Variants in TENM2 observed in about 807,000 individuals in gnomAD.
TENM2 encodes teneurin transmembrane protein 2.
In TENM2, 52 loss-of-function variants were observed where a neutral mutation model predicts 245.2. The ratio of observed to expected loss-of-function variants is 0.21; its 90% CI spans 0.17 to 0.27. The LOEUF is 0.27. Among genes scored for constraint, TENM2 ranks in the 10% least tolerant of loss-of-function variants. The probability of loss-of-function intolerance (pLI) is 1.00; values close to 1 mark genes in which losing one functional copy is unlikely to be tolerated. For missense variants in TENM2, 3,046 were observed against 3,666.8 expected (o/e 0.83, Z 4.37); for synonymous variants, 1,363 against 1,438.9 (o/e 0.95, Z 1.19).
intron 5 of TENM2, among the ~76,000 whole-genome samples, chr5:168,006,734 G>A (rs1042191037): frequency 5.9e-5 from 9 of 152,282 alleles, no homozygotes; most frequent in Non-Finnish European, 1.3e-4. Flanking sequence ...GCCTGCGGTC[G>A]TATTAACCAG....
At chr5:167,452,682 A>C (rs1372625981) in intron 2 of TENM2, among the ~76,000 whole-genome samples, 1 of 151,794 alleles carries the variant, frequency 6.6e-6, no homozygotes, top group Non-Finnish European at 1.5e-5. Flanking sequence ...AATCAGATTC[A>C]CTAATAACGA....
chr5:167,330,609 T>A (rs541130296), intron 1 of TENM2, among the ~76,000 whole-genome samples: 1 of 152,156 alleles, frequency 6.6e-6, no homozygotes, highest in Non-Finnish European at 1.5e-5. Context: ...TTCCACCAAG[T>A]GTTTGGCAAG....
intron 1 of TENM2, among the ~76,000 whole-genome samples, chr5:167,316,679 C>T (rs921109391): frequency 1.3e-5 from 2 of 152,164 alleles, no homozygotes; most frequent in Admixed American, 6.6e-5. Context: ...CTTTAGTAAA[C>T]TCTGTAGAGG....
At chr5:167,724,409 T>A (rs960967707) in intron 2 of TENM2, among the ~76,000 whole-genome samples, 1 of 152,182 alleles carries the variant, frequency 6.6e-6, no homozygotes, top group African/African-American at 2.4e-5. Flanking sequence ...TCCTCATGTA[T>A]TCATTTAATA....
chr5:167,337,313 A>G (rs1163701979), intron 1 of TENM2, among the ~76,000 whole-genome samples: 1 of 152,112 alleles, frequency 6.6e-6, no homozygotes, highest in East Asian at 1.9e-4. Context: ...CTCTATCAAC[A>G]TAATTATTCA....
intron 9 of TENM2, among the ~76,000 whole-genome samples, chr5:168,099,976 C>G (rs1400681244): frequency 1.3e-5 from 2 of 152,142 alleles, no homozygotes; most frequent in Non-Finnish European, 2.9e-5. Context: ...GTATTTTATT[C>G]TCTTCGTAGC....
intron 2 of TENM2, among the ~76,000 whole-genome samples, chr5:167,726,359 T>C (rs1181237483): frequency 6.6e-6 from 1 of 152,180 alleles, no homozygotes; most frequent in Non-Finnish European, 1.5e-5. Flanking sequence ...GAAAGAAGTA[T>C]TATTATTACA....
chr5:167,353,500 G>GTTTTTTTTTTTTTTTTTTTTTT (rs59240930), intron 1 of TENM2, among the ~76,000 whole-genome samples: 10 of 79,454 alleles, frequency 1.3e-4, no homozygotes, highest in Admixed American at 2.1e-4. Context: ...TGTTGTTGTT[G>GTTTTTTTTTTTTTTTTTTTTTT]TTTTTTTTTT....
At chr5:168,078,280 A>AT (rs1261532016) in intron 7 of TENM2, among the ~76,000 whole-genome samples, 1 of 151,480 alleles carries the variant, frequency 6.6e-6, no homozygotes, top group Non-Finnish European at 1.5e-5. Context: ...GGGTTGTTTG[A>AT]TTTTTTTCTT....
chr5:167,656,152 A>G (rs987099957), intron 2 of TENM2, among the ~76,000 whole-genome samples: 6 of 152,042 alleles, frequency 3.9e-5, no homozygotes, highest in Non-Finnish European at 8.8e-5. Flanking sequence ...ATCTTTTAAC[A>G]CTCTAACAAG....
the TENM2 span, among the ~76,000 whole-genome samples, chr5:167,248,066 A>G: frequency 6.6e-6 from 1 of 152,170 alleles, no homozygotes; most frequent in African/African-American, 2.4e-5. Flanking sequence ...AGCTCTAAAA[A>G]TACTGTAAAC....
At chr5:167,659,935 T>C (rs2150318045) in intron 2 of TENM2, 1 of 152,244 alleles carries the variant, frequency 6.6e-6, no homozygotes, top group African/African-American at 2.4e-5. Context: ...TTTAAATCAT[T>C]TTTAAAACAT....
chr5:167,620,321 A>G (rs1778076714), intron 2 of TENM2, among the ~76,000 whole-genome samples: 1 of 152,114 alleles, frequency 6.6e-6, no homozygotes. Flanking sequence ...AGCAAGCCTC[A>G]AGCTATCCCT....
intron 4 of TENM2, among the ~76,000 whole-genome samples, chr5:167,972,186 A>G (rs1418870799): frequency 6.6e-6 from 1 of 152,258 alleles, no homozygotes; most frequent in Non-Finnish European, 1.5e-5. Context: ...GAAAATGGAA[A>G]GGAATATTCC....
chr5:167,097,159 G>A, the TENM2 span, among the ~76,000 whole-genome samples: 78,243 of 151,936 alleles, frequency 0.51, 20,436 homozygotes, highest in Middle Eastern at 0.57. Context: ...GTTTGCCGGC[G>A]CTAGTCTTGT....
the TENM2 span, among the ~76,000 whole-genome samples, chr5:167,082,795 T>A: frequency 1.3e-5 from 2 of 152,174 alleles, no homozygotes; most frequent in Non-Finnish European, 2.9e-5. Flanking sequence ...TAATTTATTT[T>A]TACAATTACT....
intron 5 of TENM2, among the ~76,000 whole-genome samples, chr5:167,999,531 A>T (rs754975398): frequency 6.6e-5 from 10 of 152,240 alleles, no homozygotes; most frequent in Admixed American, 2.6e-4. Flanking sequence ...GAAGACAATT[A>T]CATCATTCAT....
intron 2 of TENM2, among the ~76,000 whole-genome samples, chr5:167,767,861 T>A (rs747066486): frequency 2.6e-4 from 39 of 152,338 alleles, no homozygotes; most frequent in East Asian, 7.7e-4. Flanking sequence ...GCAGATGTGT[T>A]TAAGCTTGAT....
intron 12 of TENM2, among the ~76,000 whole-genome samples, chr5:168,151,556 C>T (rs963128289): frequency 5.2e-4 from 79 of 152,310 alleles, no homozygotes; most frequent in African/African-American, 1.9e-3. Flanking sequence ...GGTTCTATTG[C>T]TCTGGTTTTG....
Sources: allele counts gnomAD v4.1 joint callset (sites outside exome capture counted in the v4.1 genomes callset), GRCh38; gene constraint gnomAD v4.1.1; transcripts MANE v1.5; gene names NCBI Gene and HGNC (gene_info 2026-07-23, HGNC 2026-07-21).